MYOM2: variants seen among roughly 807,000 people sequenced by gnomAD.
MYOM2 encodes myomesin 2, also known as myomesin-2.
In MYOM2, 254 loss-of-function variants were observed where a neutral mutation model predicts 187.6. The ratio of observed to expected loss-of-function variants is 1.35; its 90% CI spans 1.22 to 1.50. The LOEUF (loss-of-function observed/expected upper bound fraction) is 1.50. Among genes scored for constraint, MYOM2 ranks in the 40% most tolerant of loss-of-function variants. The pLI, the probability that MYOM2 is intolerant of heterozygous loss-of-function variation, is 0.00. For synonymous variants in MYOM2, 981 were observed against 753.8 expected (o/e 1.30, Z -4.94); for missense variants, 2,796 against 1,924.0 (o/e 1.45, Z -8.48).
chr8:2,123,129 T>A (rs6558607), intron 28 of MYOM2, 123 bp from the exon 29 acceptor site: 2 of 576,052 alleles, frequency 3.5e-6, no homozygotes, highest in Non-Finnish European at 6.0e-6. Context: ...CGTCTGAGAC[T>A]GTCTATAGTA....
rs1266643451 is a variant in MYOM2, at chr8:2,096,361, T to G, written c.2240T>G (p.Leu747Arg). The G allele has an allele frequency of 6.2e-7, 1 of 1,614,200 alleles. No homozygotes were observed. Among genetic ancestry groups the G allele is most frequent in the East Asian group, 2.2e-5 (1 of 44,870 alleles). The change falls in exon 18 of 37, where the codon CTG (leucine) becomes CGG (arginine). Residue 747 changes from leucine to arginine, a missense_variant. Leu to Arg is a moderately radical substitution (Grantham distance 102). Coordinates refer to ENST00000262113, the MANE Select transcript of MYOM2 (RefSeq NM_003970.4). ...GGCTCGCCCATCCTGGGCTACTACC[T>G]GGACAAGCGTGAAGTTCACCATAAA... ...SGGSPILGYY[L>R]DKREVHHKNW...
At chr8:2,120,680 T>TATTTCCTGTATATATA in intron 28 of MYOM2, among the ~76,000 whole-genome samples, 1,419 of 48,294 alleles carry the variant, frequency 0.029, 197 homozygotes, top group African/African-American at 0.087. Flanking sequence ...ATATATTATA[T>TATTTCCTGTATATATA]TATATATAAA....
chr8:2,060,603 T>C (rs917195799), intron 6 of MYOM2, among the ~76,000 whole-genome samples: 1 of 152,198 alleles, frequency 6.6e-6, no homozygotes, highest in African/African-American at 2.4e-5. Flanking sequence ...GCATCATTGT[T>C]AGGCCTCTGT....
Position 2,073,448 on chromosome 8 carries a change from C to T in MYOM2, c.1068C>T (p.Arg356=). 6 of 1,611,846 alleles carry T rather than the reference C, an allele frequency of 3.7e-6. No homozygotes were observed. Among genetic ancestry groups the T allele is most frequent in the Non-Finnish European group, 5.1e-6 (6 of 1,179,728 alleles). Residue 356 remains arginine, a synonymous_variant, in exon 10 of 37, where the codon CGC becomes CGT. Coordinates refer to ENST00000262113, the MANE Select transcript of MYOM2 (RefSeq NM_003970.4). ...ACGACGAGGGCCTGTACACCCTGCG[C>T]ATCGTGTCTCGGGGCGGCGTCAGCG... ...HKDDEGLYTL[R]IVSRGGVSDH... is the part of the protein sequence containing the mutation.
In MYOM2 at chr8:2,102,295, T is replaced by C. The variant is rs1348313637; in HGVS notation, c.2620-372T>C. On this transcript the variant is annotated intron_variant, in intron 20 of 36. Coordinates refer to ENST00000262113, the MANE Select transcript of MYOM2 (RefSeq NM_003970.4). ...CAAGTAGAGATGGATTTAATTCTGA[T>C]GCCCCAATGATGACTTTACACAGTT... 5 of 178,050 alleles carry C rather than the reference T, an allele frequency of 2.8e-5. No homozygotes were observed. The East Asian group carries it at 6.7e-4, about 24-fold the overall frequency. The allele number at this position is 178,050 out of a possible 1,614,324, so 11.0% of individuals were successfully genotyped here. A position where few individuals can be genotyped will look rare whatever the true frequency, so the allele number is the denominator to read the frequency against.
At chr8:2,074,845 C>T (rs985968842) in intron 10 of MYOM2, among the ~76,000 whole-genome samples, 3 of 152,208 alleles carry the variant, frequency 2.0e-5, no homozygotes, top group African/African-American at 7.2e-5. Flanking sequence ...TAGGGGCAGC[C>T]TCCTTGCTGA....
At chr8:2,073,875 C>A (rs539431009) in intron 10 of MYOM2, among the ~76,000 whole-genome samples, 1 of 152,312 alleles carries the variant, frequency 6.6e-6, no homozygotes, top group South Asian at 2.1e-4. Flanking sequence ...CAGGGAAGAG[C>A]TTCCTTACTC....
rs117706145 is a variant in MYOM2, at chr8:2,062,368, G to A, written c.653+3123G>A. ...CTGGTGGGAGCCCTTGCTAGAATCC[G>A]GGAAGGAACACAGGCCTGGGAGCGG... On this transcript the variant is annotated intron_variant, in intron 6 of 36. Coordinates refer to ENST00000262113, the MANE Select transcript of MYOM2 (RefSeq NM_003970.4). Among the ~76,000 whole-genome samples, 75 of 152,262 alleles carry A rather than the reference G, an allele frequency of 4.9e-4. 1 individual carries two copies. The East Asian group carries it at 0.013, about 26-fold the overall frequency.
At chr8:2,088,431 C>T (rs1364116252) in intron 14 of MYOM2, among the ~76,000 whole-genome samples, 3 of 152,338 alleles carry the variant, frequency 2.0e-5, no homozygotes, top group Admixed American at 6.5e-5. Context: ...AGCCCTTGCT[C>T]TGTCTGGTAG....
chr8:2,131,183 G>A (rs3824182), intron 32 of MYOM2, among the ~76,000 whole-genome samples: 21,116 of 151,220 alleles, frequency 0.14, 2,548 homozygotes, highest in African/African-American at 0.31. Flanking sequence ...GTGTGTAGAT[G>A]TAGGTCATGT....
rs143767981 is a variant in MYOM2, at chr8:2,109,546, G to T, written c.3180+15G>T. 6.1e-4 allele frequency: 970 copies of T among 1,600,314 alleles called. 4 individuals are homozygous for T. In the African/African-American group the frequency reaches 0.011, roughly 19 times the overall value. ...CTGACAGCGAGGTGAGTTCCTGTGTGAGTGATCTCTGGCTTTGCAGGGAGT... is the reference window on the plus strand; with the variant it reads ...CTGACAGCGAGGTGAGTTCCTGTGTTAGTGATCTCTGGCTTTGCAGGGAGT... On this transcript the variant is annotated intron_variant, in intron 25 of 36. Transcript: ENST00000262113.
chr8:2,086,853 C>T (rs1348713310), intron 14 of MYOM2, among the ~76,000 whole-genome samples: 6 of 152,092 alleles, frequency 3.9e-5, no homozygotes, highest in Non-Finnish European at 8.8e-5. Context: ...GTGCACAAGC[C>T]GTATGGCCAC....
intron 28 of MYOM2, 87 bp downstream of exon 28, chr8:2,118,039 T>C: frequency 8.4e-7 from 1 of 1,188,280 alleles, no homozygotes; most frequent in Admixed American, 1.9e-5. Flanking sequence ...TGTGGCCAGA[T>C]CTGTGATGCT....
Position 2,092,388 on chromosome 8 carries a change from C to G in MYOM2, c.1871C>G (p.Thr624Ser), listed in dbSNP as rs757758751. 6.2e-7 allele frequency: 1 copy of G among 1,614,134 alleles called. No homozygotes were observed. Among genetic ancestry groups the G allele is most frequent in the Non-Finnish European group, 8.5e-7 (1 of 1,180,024 alleles). Residue 624 changes from threonine (T) to serine (S), a missense_variant, in exon 16 of 37, where the codon ACC becomes AGC. By Grantham distance (58) the Thr-to-Ser change is moderately conservative (BLOSUM62 1). Coordinates refer to ENST00000262113, the MANE Select transcript of MYOM2 (RefSeq NM_003970.4). ...GGTCGGGTTCTTGCTTCCCGAAACA[C>G]CAAGACGTCGGTGGTGGTGCAGTGG... ...APGRVLASRN[T>S]KTSVVVQWDR...
chr8:2,125,310 T>C (rs1797598348), intron 31 of MYOM2, among the ~76,000 whole-genome samples: 1 of 152,246 alleles, frequency 6.6e-6, no homozygotes, highest in Non-Finnish European at 1.5e-5. Context: ...TGCATGTGGA[T>C]ATTCAGTGTT....
intron 6 of MYOM2, among the ~76,000 whole-genome samples, chr8:2,064,124 G>A (rs145480220): frequency 9.2e-5 from 14 of 152,342 alleles, no homozygotes; most frequent in African/African-American, 3.1e-4. Context: ...AAGTCTCCGC[G>A]AGAGTGGCCG....
At chr8:2,102,898 A>T in intron 21 of MYOM2, 117 bp downstream of exon 21, 1 of 738,874 alleles carries the variant, frequency 1.4e-6, no homozygotes, top group Non-Finnish European at 2.3e-6. Context: ...AACACGTGTT[A>T]TGTGTGTATG....
intron 20 of MYOM2, among the ~76,000 whole-genome samples, chr8:2,101,609 C>T (rs1796712549): frequency 6.6e-6 from 1 of 152,200 alleles, no homozygotes; most frequent in African/African-American, 2.4e-5. Flanking sequence ...CACCAACATG[C>T]TGTTTGCTCC....
At position 2,096,407 on chromosome 8, in the gene MYOM2, C is replaced by T. The variant is rs764786290; in HGVS notation, c.2286C>T (p.Ser762=). Residue 762 remains serine (S), a synonymous_variant, in exon 18 of 37, where the codon TCC becomes TCT. Transcript: ENST00000262113. ...VHHKNWHEVN[S]SPSKPTILTV... ...ATAAAAACTGGCACGAGGTCAATTC[C>T]TCACCCAGCAAACCGACAATCCTAA... 1 of 1,614,224 alleles carries T rather than the reference C, an allele frequency of 6.2e-7. No individual in the cohort carries two copies. Among genetic ancestry groups the T allele is most frequent in the East Asian group, 2.2e-5 (1 of 44,882 alleles).
Sources: gnomAD v4.1 joint callset for allele counts (sites outside exome capture counted in the v4.1 genomes callset) on GRCh38, gnomAD v4.1.1 for gene constraint, MANE v1.5 for transcripts, NCBI Gene and HGNC (gene_info 2026-07-23, HGNC 2026-07-21) for gene names.